Variants in ITGBL1 observed in about 807,000 individuals in gnomAD.
ITGBL1 encodes integrin beta-like protein 1.
ITGBL1 carries 51 observed loss-of-function variants against 68.5 expected under a neutral mutation model. The observed-to-expected ratio is 0.74, with a 90% CI of 0.59 to 0.94. The LOEUF (loss-of-function observed/expected upper bound fraction) is 0.94. Ranked by LOEUF, ITGBL1 falls within the 40% of genes least tolerant of loss-of-function variation. The pLI, the probability that ITGBL1 is intolerant of heterozygous loss-of-function variation, is 0.00. For missense variants in ITGBL1, 649 were observed against 647.4 expected, an observed-to-expected ratio of 1.00 and a Z score of -0.03; for synonymous variants, 209 against 227.3, an observed-to-expected ratio of 0.92 and a Z score of 0.72.
At chr13:101,661,535 C>T (rs979080831) in intron 7 of ITGBL1, among the ~76,000 whole-genome samples, 3 of 152,092 alleles carry the variant, frequency 2.0e-5, no homozygotes, top group Admixed American at 1.3e-4. Context: ...CTCTTGTTTT[C>T]GGGTTTCCTG....
intron 2 of ITGBL1, among the ~76,000 whole-genome samples, chr13:101,512,603 G>A (rs1296906280): frequency 6.6e-6 from 1 of 152,110 alleles, no homozygotes; most frequent in Non-Finnish European, 1.5e-5. Context: ...TCATTCATAG[G>A]TTGTGAGTGA....
intron 7 of ITGBL1, among the ~76,000 whole-genome samples, chr13:101,598,798 C>G (rs1356501421): frequency 6.6e-6 from 1 of 152,156 alleles, no homozygotes; most frequent in African/African-American, 2.4e-5. Context: ...GTATTCCATG[C>G]TGTATATGTG....
intron 7 of ITGBL1, among the ~76,000 whole-genome samples, chr13:101,608,302 A>T (rs986073541): frequency 6.6e-6 from 1 of 151,490 alleles, no homozygotes. Context: ...TTTCCTTTTT[A>T]TTGGGAAAGC....
chr13:101,617,538 A>G (rs2139379944), intron 7 of ITGBL1, among the ~76,000 whole-genome samples: 1 of 152,336 alleles, frequency 6.6e-6, no homozygotes, highest in East Asian at 1.9e-4. Context: ...ATACAGAAAC[A>G]AGAAGAGAAA....
rs117094549 is a variant in ITGBL1, at chr13:101,575,955, G to A, written c.586+409G>A. On this transcript the variant is annotated intron_variant, in intron 4 of 10. Coordinates refer to ENST00000376180, the MANE Select transcript of ITGBL1 (RefSeq NM_004791.3). The stretch of plus-strand genomic sequence containing the variant: ...CTATCAGGGACAATGAAGGTCAATA[G>A]GGTTATTAGCCTAGAGTTTACCTCC... 7.9e-3 allele frequency among the ~76,000 whole-genome samples: 1,199 copies of A among 152,154 alleles called. 7 individuals carry two copies. The highest frequency in any genetic ancestry group is 0.027 in the South Asian group (128 of 4,820).
chr13:101,620,508 G>A lies in ITGBL1; in HGVS notation c.1015+22209G>A, dbSNP rs566106652. ...ATACAATTTTATTATTTGATCTCTC[G>A]TCTTAAATTGTCATGACCCAAGAGG... is the stretch of plus-strand genomic sequence containing the variant. On this transcript the variant is annotated intron_variant, in intron 7 of 10. Coordinates refer to ENST00000376180, the MANE Select transcript of ITGBL1 (RefSeq NM_004791.3). 9.9e-5 allele frequency among the ~76,000 whole-genome samples: 15 copies of A among 152,154 alleles called. No homozygotes were observed. The East Asian group carries it at 1.5e-3, about 16-fold the overall frequency.
intron 2 of ITGBL1, among the ~76,000 whole-genome samples, chr13:101,471,988 TTTTTA>T (rs1216222118): frequency 4.2e-5 from 6 of 142,906 alleles, no homozygotes; most frequent in South Asian, 2.3e-4. Flanking sequence ...ATACATTTTA[TTTTTA>T]TTTTAAGTAT....
intron 2 of ITGBL1, among the ~76,000 whole-genome samples, chr13:101,546,118 G>A (rs188850482): frequency 2.0e-5 from 3 of 152,272 alleles, no homozygotes; most frequent in African/African-American, 7.2e-5. Context: ...CAGAGTTCAT[G>A]TAGTATGATT....
chr13:101,695,294 AGCAGCTTGTGCTCAGTT>A (rs2033977117), intron 8 of ITGBL1, among the ~76,000 whole-genome samples: 1 of 152,168 alleles, frequency 6.6e-6, no homozygotes, highest in African/African-American at 2.4e-5. Context: ...ACAGTCAGAG[AGCAGCTTGTGCTCAGTT>A]GTGTGGGAGA....
intron 7 of ITGBL1, among the ~76,000 whole-genome samples, chr13:101,637,208 A>G (rs1389633316): frequency 6.6e-6 from 1 of 152,192 alleles, no homozygotes; most frequent in East Asian, 1.9e-4. Context: ...ATAATTTAAA[A>G]GCATACCTCA....
intron 2 of ITGBL1, among the ~76,000 whole-genome samples, chr13:101,546,362 T>C (rs577397261): frequency 2.0e-5 from 3 of 152,270 alleles, no homozygotes; most frequent in African/African-American, 7.2e-5. Flanking sequence ...ATGTACACTT[T>C]AGTGTGCATG....
At chr13:101,571,415 G>A (rs147505961) in intron 3 of ITGBL1, among the ~76,000 whole-genome samples, 1 of 152,150 alleles carries the variant, frequency 6.6e-6, no homozygotes, top group East Asian at 1.9e-4. Context: ...CTCTTTTAGT[G>A]TGGTTATGGT....
chr13:101,525,989 T>C (rs1249958553), intron 2 of ITGBL1, among the ~76,000 whole-genome samples: 2 of 152,038 alleles, frequency 1.3e-5, no homozygotes, highest in East Asian at 3.9e-4. Flanking sequence ...ATGTTGTTTG[T>C]TTTTACTTTT....
chr13:101,646,057 A>T (rs1260649043), intron 7 of ITGBL1, among the ~76,000 whole-genome samples: 1 of 152,234 alleles, frequency 6.6e-6, no homozygotes, highest in Non-Finnish European at 1.5e-5. Context: ...GTGAGTGCTC[A>T]GAGGGAGGAA....
intron 7 of ITGBL1, among the ~76,000 whole-genome samples, chr13:101,671,437 G>GTTTTTTTTTTTTTTTTTTT (rs1491455482): frequency 5.8e-5 from 6 of 102,842 alleles, no homozygotes; most frequent in East Asian, 4.0e-4. Context: ...TTTTTTTTTT[G>GTTTTTTTTTTTTTTTTTTT]TTTTTTTTTG....
At chr13:101,660,141 G>T (rs1180220118) in intron 7 of ITGBL1, among the ~76,000 whole-genome samples, 1 of 152,146 alleles carries the variant, frequency 6.6e-6, no homozygotes, top group East Asian at 1.9e-4. Flanking sequence ...CCATAACATT[G>T]CAGTAAAGAA....
At chr13:101,478,321 A>C in intron 2 of ITGBL1, among the ~76,000 whole-genome samples, 1 of 152,044 alleles carries the variant, frequency 6.6e-6, no homozygotes, top group East Asian at 1.9e-4. Flanking sequence ...TGGGTATAGA[A>C]GGAACAAACT....
intron 4 of ITGBL1, among the ~76,000 whole-genome samples, chr13:101,576,117 C>A (rs2050354528): frequency 6.6e-6 from 1 of 152,142 alleles, no homozygotes; most frequent in African/African-American, 2.4e-5. Flanking sequence ...GCTTTACATT[C>A]ATTATGTTTT....
At chr13:101,495,252 C>G (rs1050849250) in intron 2 of ITGBL1, among the ~76,000 whole-genome samples, 1 of 152,102 alleles carries the variant, frequency 6.6e-6, no homozygotes, top group Non-Finnish European at 1.5e-5. Flanking sequence ...TCCTGGTGTT[C>G]ATTGCTTAGA....
Sources: allele counts gnomAD v4.1 joint callset (sites outside exome capture counted in the v4.1 genomes callset), GRCh38; gene constraint gnomAD v4.1.1; transcripts MANE v1.5; gene names NCBI Gene and HGNC (gene_info 2026-07-23, HGNC 2026-07-21).